The following FAM135B variants were observed in gnomAD, a reference collection of about 807,000 sequenced individuals.
FAM135B encodes family with sequence similarity 135 member B, also known as protein FAM135B.
In FAM135B, 43 loss-of-function variants were observed where a neutral mutation model predicts 127.7. The observed-to-expected ratio is 0.34, with a 90% CI of 0.26 to 0.43. The LOEUF (loss-of-function observed/expected upper bound fraction) is 0.43. FAM135B is among the 20% of genes least tolerant of loss of function. The probability of loss-of-function intolerance (pLI) is 1.00; values close to 1 mark genes in which losing one functional copy is unlikely to be tolerated. For synonymous variants in FAM135B, 670 were observed against 665.1 expected (o/e 1.01, Z -0.11); for missense variants, 1,558 against 1,725.6 (o/e 0.90, Z 1.72).
intron 17 of FAM135B, among the ~76,000 whole-genome samples, chr8:138,139,445 A>G (rs1816936542): frequency 6.6e-6 from 1 of 152,218 alleles, no homozygotes; most frequent in South Asian, 2.1e-4. Context: ...TACATTTAGG[A>G]TACAGTAAAG....
At chr8:138,455,382 C>T (rs1007814560) in intron 1 of FAM135B, among the ~76,000 whole-genome samples, 1 of 152,090 alleles carries the variant, frequency 6.6e-6, no homozygotes, top group Non-Finnish European at 1.5e-5. Context: ...GTTCCAAGTA[C>T]GTGGTCTGAC....
intron 2 of FAM135B, among the ~76,000 whole-genome samples, chr8:138,319,883 C>G (rs1259484346): frequency 6.6e-6 from 1 of 152,138 alleles, no homozygotes; most frequent in Non-Finnish European, 1.5e-5. Flanking sequence ...AATGCAATCA[C>G]AAGAGTCTTT....
intron 1 of FAM135B, among the ~76,000 whole-genome samples, chr8:138,406,556 C>A (rs1487943382): frequency 1.3e-5 from 2 of 152,054 alleles, no homozygotes; most frequent in African/African-American, 4.8e-5. Flanking sequence ...AAAAGCTTAT[C>A]CACCATGATC....
chr8:138,405,213 C>CTT (rs146039265), intron 1 of FAM135B, among the ~76,000 whole-genome samples: 6 of 147,588 alleles, frequency 4.1e-5, no homozygotes, highest in Admixed American at 2.0e-4. Flanking sequence ...CTTTTTTTTT[C>CTT]TTTTTTTTTT....
Position 138,141,279 on chromosome 8 carries a change from G to C in FAM135B, c.3709C>G (p.Leu1237Val). 1 of 1,614,174 alleles carries C rather than the reference G, an allele frequency of 6.2e-7. No individual in the cohort carries two copies. Among genetic ancestry groups the C allele is most frequent in the Non-Finnish European group, 8.5e-7 (1 of 1,180,008 alleles). Residue 1237 changes from leucine to valine, a missense_variant, in exon 17 of 20, where the codon CTC becomes GTC. Coordinates refer to ENST00000395297, the MANE Select transcript of FAM135B (RefSeq NM_015912.4). This position sits in a 1 kb window ranked among gnomAD's most constrained non-coding sequence, Gnocchi z 4.7. ...VLTRPRFRYY[L>V]NKLHTFLSLS... The stretch of plus-strand genomic sequence containing the variant: ...GACAGGAACGTGTGGAGTTTGTTGA[G>C]GTAATACCGGAACCGGGGCCGTGTG...
intron 7 of FAM135B, among the ~76,000 whole-genome samples, chr8:138,210,784 T>G (rs965469999): frequency 4.6e-5 from 7 of 152,136 alleles, no homozygotes; most frequent in African/African-American, 1.7e-4. Context: ...CTACATATGG[T>G]GCATTCTGTA....
chr8:138,255,305 C>G (rs908390727), intron 5 of FAM135B, among the ~76,000 whole-genome samples: 1 of 152,156 alleles, frequency 6.6e-6, no homozygotes, highest in Non-Finnish European at 1.5e-5. Flanking sequence ...GGAGAGGTTA[C>G]AGAAACCAGA....
chr8:138,371,888 C>T (rs763817617), intron 1 of FAM135B, among the ~76,000 whole-genome samples: 5 of 152,234 alleles, frequency 3.3e-5, no homozygotes, highest in Non-Finnish European at 7.3e-5. Context: ...CACCTTCAAA[C>T]CTGTACTTCC....
At chr8:138,140,102 G>A (rs1310665661) in intron 17 of FAM135B, among the ~76,000 whole-genome samples, 2 of 152,196 alleles carry the variant, frequency 1.3e-5, no homozygotes, top group Non-Finnish European at 2.9e-5. Context: ...ATTTGTTTCT[G>A]TCCAAAGAAT....
chr8:138,167,947 C>T lies in FAM135B; in HGVS notation c.1206G>A (p.Trp402Ter), dbSNP rs2130900789. 6.2e-7 allele frequency: 1 copy of T among 1,613,912 alleles called. No individual in the cohort carries two copies. Among genetic ancestry groups the T allele is most frequent in the East Asian group, 2.2e-5 (1 of 44,856 alleles). ...PAECLDIDGD[W>*]NTLPVIFEDR... ...CCTCAAAGATCACCGGCAGGGTGTT[C>T]CAATCGCCGTCGATGTCCAGGCACT... is the stretch of plus-strand genomic sequence containing the variant. The change falls in exon 12 of 20, where the codon TGG becomes TGA. Residue 402 changes from tryptophan (W) to a stop codon, truncating the protein, a stop_gained. Transcript: ENST00000395297. LOFTEE classifies it high-confidence loss of function.
chr8:138,461,722 C>T (rs764199681), intron 1 of FAM135B, among the ~76,000 whole-genome samples: 38 of 152,130 alleles, frequency 2.5e-4, no homozygotes, highest in Admixed American at 3.3e-4. Context: ...GTAAATCATC[C>T]TAGGACCTCA....
intron 1 of FAM135B, among the ~76,000 whole-genome samples, chr8:138,470,016 C>T (rs1321189025): frequency 1.3e-5 from 2 of 152,154 alleles, no homozygotes; most frequent in African/African-American, 4.8e-5. Context: ...AAAGCAGACA[C>T]ATTCTCCTCG....
chr8:138,396,539 T>G (rs1832863549), intron 1 of FAM135B, among the ~76,000 whole-genome samples: 1 of 152,146 alleles, frequency 6.6e-6, no homozygotes, highest in Admixed American at 6.5e-5. Flanking sequence ...TGATAAATAT[T>G]TGTCTATGGA....
chr8:138,268,164 G>A (rs1227540441), intron 3 of FAM135B, among the ~76,000 whole-genome samples: 1 of 152,182 alleles, frequency 6.6e-6, no homozygotes, highest in African/African-American at 2.4e-5. Flanking sequence ...CACTGACCTT[G>A]TGGGATCACT....
At chr8:138,422,567 C>T (rs1834574176) in intron 1 of FAM135B, among the ~76,000 whole-genome samples, 1 of 152,028 alleles carries the variant, frequency 6.6e-6, no homozygotes, top group South Asian at 2.1e-4. Context: ...ACTACAATAT[C>T]ATCTCACACC....
intron 9 of FAM135B, among the ~76,000 whole-genome samples, chr8:138,179,778 C>T (rs765698908): frequency 4.6e-5 from 7 of 152,228 alleles, no homozygotes; most frequent in East Asian, 1.9e-4. Flanking sequence ...ACTGCAGCCT[C>T]GAATTCCTGG....
intron 2 of FAM135B, among the ~76,000 whole-genome samples, chr8:138,360,524 G>T (rs1830353294): frequency 6.6e-6 from 1 of 152,192 alleles, no homozygotes; most frequent in Non-Finnish European, 1.5e-5. Flanking sequence ...GGAAGAGGAG[G>T]CTTCGCAATC....
intron 7 of FAM135B, among the ~76,000 whole-genome samples, chr8:138,225,000 G>A (rs920982323): frequency 1.2e-4 from 18 of 152,174 alleles, no homozygotes; most frequent in African/African-American, 4.3e-4. Flanking sequence ...TAGCCTGAAG[G>A]AATAAGTTTT....
At position 138,355,614 on chromosome 8, in the gene FAM135B, G is replaced by A. The variant is rs142930945; in HGVS notation, c.77+12293C>T. The stretch of plus-strand genomic sequence containing the variant: ...GTATCTCTCACGCCTGTCAGTCATT[G>A]GCTGGAAGGATTCAGTTCTCAAAAC... On this transcript the variant is annotated intron_variant, in intron 2 of 19. Transcript: ENST00000395297. Among the ~76,000 whole-genome samples the A allele has an allele frequency of 2.9e-3, 449 of 152,254 alleles. 3 individuals carry two copies. The highest frequency in any genetic ancestry group is 0.01 in the African/African-American group (420 of 41,560).
Sources: gnomAD v4.1 joint callset for allele counts (sites outside exome capture counted in the v4.1 genomes callset) on GRCh38, gnomAD v4.1.1 for gene constraint, Gnocchi (gnomAD v3.1) non-coding constraint, MANE v1.5 for transcripts, NCBI Gene and HGNC (gene_info 2026-07-23, HGNC 2026-07-21) for gene names.